Variants in SGCG observed in about 807,000 individuals in gnomAD.
SGCG encodes sarcoglycan gamma.
SGCG carries 26 observed loss-of-function variants against 29.3 expected under a neutral mutation model. The observed-to-expected ratio is 0.89, with a 90% CI of 0.65 to 1.23. The LOEUF (loss-of-function observed/expected upper bound fraction) is 1.23, where lower values mean the gene tolerates loss of function less well. SGCG is among the 50% of genes most tolerant of loss of function. The pLI, the probability that SGCG is intolerant of heterozygous loss-of-function variation, is 0.00. For synonymous variants in SGCG, 145 were observed against 129.7 expected, an observed-to-expected ratio of 1.12 and a Z score of -0.80; for missense variants, 353 against 356.0, an observed-to-expected ratio of 0.99 and a Z score of 0.07.
intron 1 of SGCG, among the ~76,000 whole-genome samples, chr13:23,188,873 C>G (rs1378648624): frequency 6.6e-6 from 1 of 152,162 alleles, no homozygotes; most frequent in Non-Finnish European, 1.5e-5. Context: ...CCACGCCAAT[C>G]TACAGGAGCA....
At chr13:23,231,715 T>G (rs1879120970) in intron 2 of SGCG, among the ~76,000 whole-genome samples, 1 of 152,222 alleles carries the variant, frequency 6.6e-6, no homozygotes, top group African/African-American at 2.4e-5. Context: ...TAAACTATAT[T>G]ATAAATGCCT....
chr13:23,231,409 A>G (rs1879107333), intron 2 of SGCG, among the ~76,000 whole-genome samples: 1 of 152,036 alleles, frequency 6.6e-6, no homozygotes, highest in Admixed American at 6.6e-5. Context: ...GAAAGAAATG[A>G]CAATGAACAG....
At chr13:23,179,910 G>C (rs1876674313), upstream of SGCG, among the ~76,000 whole-genome samples, 1 of 152,122 alleles carries the variant, frequency 6.6e-6, no homozygotes, top group Non-Finnish European at 1.5e-5. Context: ...AGGGGTACAT[G>C]TGCAGGTTTG....
At position 23,183,523 on chromosome 13, in the gene SGCG, G is replaced by T. The variant is rs1245102811; in HGVS notation, c.-1+2448G>T. 3.3e-5 allele frequency among the ~76,000 whole-genome samples: 5 copies of T among 152,208 alleles called. No individual in the cohort carries two copies. In the South Asian group the frequency reaches 1.0e-3, roughly 32 times the overall value. The stretch of plus-strand genomic sequence containing the variant: ...TTCCAGGATACAAATAGCCCTCCTG[G>T]CATTCCTGGTGGCTGCCTGCCTATC... On this transcript the variant is annotated intron_variant, in intron 1 of 7. Coordinates refer to ENST00000218867, the MANE Select transcript of SGCG (RefSeq NM_000231.3).
chr13:23,228,032 A>C (rs1878968867), intron 2 of SGCG, among the ~76,000 whole-genome samples: 1 of 151,982 alleles, frequency 6.6e-6, no homozygotes, highest in Admixed American at 6.6e-5. Context: ...GCTGGTCTTC[A>C]ACTCCTGGGC....
At chr13:23,244,638 T>C (rs1260454771) in intron 3 of SGCG, 2 of 152,162 alleles carry the variant, frequency 1.3e-5, no homozygotes, top group Admixed American at 1.3e-4. Flanking sequence ...TCTCACATTT[T>C]ATGAGAAAAG....
intron 2 of SGCG, among the ~76,000 whole-genome samples, chr13:23,209,967 ACAAAG>A (rs1375235136): frequency 6.6e-6 from 1 of 152,212 alleles, no homozygotes; most frequent in Non-Finnish European, 1.5e-5. Flanking sequence ...ATTGACAAAA[ACAAAG>A]CAAAGAGAAA....
intron 4 of SGCG, among the ~76,000 whole-genome samples, chr13:23,262,366 A>C (rs555110126): frequency 4.3e-4 from 65 of 152,106 alleles, no homozygotes; most frequent in Non-Finnish European, 6.9e-4. Context: ...TCTTACATCA[A>C]ATAAAACAGA....
chr13:23,179,189 A>ATG (rs1173581984), upstream of SGCG, among the ~76,000 whole-genome samples: 1 of 152,176 alleles, frequency 6.6e-6, no homozygotes, highest in Non-Finnish European at 1.5e-5. Context: ...ACATTTCAAA[A>ATG]TGTGTGTGTG....
At chr13:23,164,460 G>A in the SGCG span, among the ~76,000 whole-genome samples, 18 of 152,294 alleles carry the variant, frequency 1.2e-4, no homozygotes, top group South Asian at 3.7e-3. Flanking sequence ...CAGAGAGGCT[G>A]TAATTCATTA....
At chr13:23,161,108 A>G in the SGCG span, among the ~76,000 whole-genome samples, 1 of 152,134 alleles carries the variant, frequency 6.6e-6, no homozygotes, top group Non-Finnish European at 1.5e-5. Context: ...AAAGTTGCGT[A>G]GGGGTTACTT....
In SGCG at chr13:23,299,411, TATATATATATATATATATATA is replaced by T. The variant is rs1882034970; in HGVS notation, c.578+3925_578+3945del. On this transcript the variant is annotated intron_variant, in intron 6 of 7. Coordinates refer to ENST00000218867, the MANE Select transcript of SGCG (RefSeq NM_000231.3). ...ATTCTGGAATATCTTAGTTGGCATA[TATATATATATATATATATATA>T]TATATATATATATATATATATATAT... Among the ~76,000 whole-genome samples, 4 of 32,876 alleles carry T rather than the reference TATATATATATATATATATATA, an allele frequency of 1.2e-4. 1 individual carries two copies. Among genetic ancestry groups the T allele is most frequent in the African/African-American group, 3.8e-4 (3 of 7,802 alleles). The allele number at this position is 32,876 out of a possible 152,430, so 21.6% of individuals were successfully genotyped here.
At chr13:23,280,364 G>T (rs571362287) in intron 5 of SGCG, among the ~76,000 whole-genome samples, 18 of 152,258 alleles carry the variant, frequency 1.2e-4, no homozygotes, top group African/African-American at 3.9e-4. Context: ...CAATAGCAAT[G>T]TTATTGTCTC....
chr13:23,171,738 A>T, the SGCG span, among the ~76,000 whole-genome samples: 2 of 152,176 alleles, frequency 1.3e-5, no homozygotes, highest in Non-Finnish European at 2.9e-5. Flanking sequence ...TCTCATGAGT[A>T]GTTCACAATA....
chr13:23,290,550 T>A (rs1356674663), intron 5 of SGCG, among the ~76,000 whole-genome samples: 5 of 152,204 alleles, frequency 3.3e-5, no homozygotes, highest in Admixed American at 2.6e-4. Context: ...AGAGCATTTT[T>A]CATTGGAGTA....
chr13:23,293,822 T>TTCCG (rs1881805775), intron 5 of SGCG, among the ~76,000 whole-genome samples: 1 of 120,506 alleles, frequency 8.3e-6, no homozygotes, highest in Non-Finnish European at 1.7e-5. Context: ...CAGAGTGAGA[T>TTCCG]TCCGTCTTAA....
chr13:23,213,125 T>C (rs1878294279), intron 2 of SGCG, among the ~76,000 whole-genome samples: 1 of 152,180 alleles, frequency 6.6e-6, no homozygotes, highest in Non-Finnish European at 1.5e-5. Flanking sequence ...CCCATATCTT[T>C]GCAGTGGTTT....
At chr13:23,308,135 T>C (rs563091) in intron 6 of SGCG, among the ~76,000 whole-genome samples, 85,083 of 152,094 alleles carry the variant, frequency 0.56, 24,801 homozygotes, top group East Asian at 0.84. Flanking sequence ...TGAAAGTTAA[T>C]TTATCCTTGT....
At chr13:23,271,355 G>T (rs893490608) in intron 4 of SGCG, among the ~76,000 whole-genome samples, 1 of 152,082 alleles carries the variant, frequency 6.6e-6, no homozygotes, top group African/African-American at 2.4e-5. Flanking sequence ...GGCCACACTG[G>T]AAGAAGAATA....
Sources: allele counts gnomAD v4.1 joint callset (sites outside exome capture counted in the v4.1 genomes callset), GRCh38; gene constraint gnomAD v4.1.1; transcripts MANE v1.5; gene names NCBI Gene and HGNC (gene_info 2026-07-23, HGNC 2026-07-21).